The following UNC79 variants were observed in gnomAD, a reference collection of about 807,000 sequenced individuals.
UNC79 encodes protein unc-79 homolog.
In UNC79, 37 loss-of-function variants were observed where a neutral mutation model predicts 283.1. That is an observed-to-expected ratio of 0.13 (90% CI 0.10 to 0.17). The LOEUF (loss-of-function observed/expected upper bound fraction) is 0.17. Ranked by LOEUF, UNC79 falls within the 10% of genes least tolerant of loss-of-function variation. The probability of loss-of-function intolerance (pLI) is 1.00; values close to 1 mark genes in which losing one functional copy is unlikely to be tolerated. For synonymous variants in UNC79, 1,107 were observed against 1,200.2 expected, an observed-to-expected ratio of 0.92 and a Z score of 1.61; for missense variants, 2,272 against 3,211.1, an observed-to-expected ratio of 0.71 and a Z score of 7.07.
At chr14:93,559,762 C>G (rs369774310) in intron 14 of UNC79, among the ~76,000 whole-genome samples, 1 of 152,160 alleles carries the variant, frequency 6.6e-6, no homozygotes, top group African/African-American at 2.4e-5. Flanking sequence ...TGATTCTTCA[C>G]TTTCTTCGGG....
chr14:93,673,219 A>G, intron 40 of UNC79, 132 bp from the exon 44 acceptor site: 1 of 705,250 alleles, frequency 1.4e-6, no homozygotes. Context: ...TTTCTTGAGG[A>G]CACTTCACTA....
At chr14:93,481,401 C>T (rs2058133739) in intron 4 of UNC79, among the ~76,000 whole-genome samples, 1 of 152,060 alleles carries the variant, frequency 6.6e-6, no homozygotes, top group African/African-American at 2.4e-5. Context: ...GAGATGATGG[C>T]TTTGGCAGAG....
At chr14:93,487,606 A>G in intron 4 of UNC79, 57 bp from the exon 5 acceptor site, 1 of 1,437,704 alleles carries the variant, frequency 7.0e-7, no homozygotes, top group Non-Finnish European at 9.7e-7. Flanking sequence ...CTCTGTGCAA[A>G]GTAACAGGTA....
At chr14:93,561,945 G>A (rs1487125904) in intron 14 of UNC79, among the ~76,000 whole-genome samples, 1 of 152,190 alleles carries the variant, frequency 6.6e-6, no homozygotes, top group Admixed American at 6.5e-5. Flanking sequence ...AGTAGTGGGG[G>A]TGACTGCATA....
intron 25 of UNC79, among the ~76,000 whole-genome samples, chr14:93,601,119 A>G (rs1443935836): frequency 6.6e-6 from 1 of 152,182 alleles, no homozygotes; most frequent in East Asian, 1.9e-4. Context: ...CTAAATTTCA[A>G]TAGTTTTGGG....
chr14:93,614,301 T>A (rs1310129081), intron 27 of UNC79, among the ~76,000 whole-genome samples: 1 of 13,540 alleles, frequency 7.4e-5, no homozygotes, highest in East Asian at 5.4e-4. Context: ...GGTTTTATTT[T>A]TATTTATTTA....
chr14:93,530,377 C>T (rs1277971487), intron 10 of UNC79, among the ~76,000 whole-genome samples: 1 of 152,030 alleles, frequency 6.6e-6, no homozygotes, highest in East Asian at 1.9e-4. Flanking sequence ...TTGAGACCAA[C>T]CTGGGCAACG....
chr14:93,356,442 C>T (rs777335932), intron 1 of UNC79, among the ~76,000 whole-genome samples: 1 of 152,204 alleles, frequency 6.6e-6, no homozygotes, highest in African/African-American at 2.4e-5. Context: ...ACTCTGGGCT[C>T]CAATCTCTGT....
At chr14:93,475,080 T>G (rs564440267) in intron 3 of UNC79, among the ~76,000 whole-genome samples, 1 of 152,318 alleles carries the variant, frequency 6.6e-6, no homozygotes, top group Admixed American at 6.5e-5. Flanking sequence ...TTTTCTTAAC[T>G]CTTCCCCCTT....
intron 31 of UNC79, among the ~76,000 whole-genome samples, chr14:93,633,956 G>A (rs1012617352): frequency 4.6e-5 from 7 of 152,040 alleles, no homozygotes; most frequent in South Asian, 2.1e-4. Flanking sequence ...ATATGTTTTG[G>A]TTTTAGGACC....
intron 19 of UNC79, among the ~76,000 whole-genome samples, chr14:93,581,136 A>G (rs1168533000): frequency 6.6e-6 from 1 of 152,132 alleles, no homozygotes; most frequent in Non-Finnish European, 1.5e-5. Flanking sequence ...TACCCTGGAC[A>G]ACCAGTATTT....
chr14:93,484,099 A>AC (rs1466765533), intron 4 of UNC79, among the ~76,000 whole-genome samples: 8 of 152,314 alleles, frequency 5.3e-5, no homozygotes, highest in Admixed American at 5.2e-4. Context: ...TTGAGGAACC[A>AC]CCACACTGTC....
chr14:93,361,211 C>CAAAAAAAAAAAAAAAAAAAAAAAAAA (rs58267219), intron 1 of UNC79, among the ~76,000 whole-genome samples: 3 of 54,382 alleles, frequency 5.5e-5, no homozygotes, highest in African/African-American at 1.5e-4. Flanking sequence ...GACTCTGTCT[C>CAAAAAAAAAAAAAAAAAAAAAAAAAA]AAAAAAAAAA....
chr14:93,696,849 A>G (rs1486378111), intron 47 of UNC79, among the ~76,000 whole-genome samples: 1 of 152,216 alleles, frequency 6.6e-6, no homozygotes, highest in Non-Finnish European at 1.5e-5. Context: ...TAGCCCAAAA[A>G]TAATAAAGAG....
At chr14:93,694,900 C>T (rs1378578670) in intron 47 of UNC79, among the ~76,000 whole-genome samples, 1 of 152,190 alleles carries the variant, frequency 6.6e-6, no homozygotes, top group African/African-American at 2.4e-5. Flanking sequence ...AATTGTCTGA[C>T]ATGGTATCTG....
intron 5 of UNC79, among the ~76,000 whole-genome samples, chr14:93,488,986 G>T (rs971771590): frequency 2.0e-5 from 3 of 152,174 alleles, no homozygotes; most frequent in African/African-American, 7.2e-5. Context: ...CTGTCACTCA[G>T]GCTAAAGTGC....
intron 23 of UNC79, among the ~76,000 whole-genome samples, chr14:93,594,599 A>G (rs1227674608): frequency 1.3e-5 from 2 of 152,218 alleles, no homozygotes; most frequent in Non-Finnish European, 2.9e-5. Flanking sequence ...AAGAGGTTCA[A>G]GAATCTCTGC....
intron 19 of UNC79, among the ~76,000 whole-genome samples, chr14:93,581,990 G>A (rs1376160690): frequency 3.3e-5 from 5 of 152,216 alleles, no homozygotes; most frequent in Non-Finnish European, 1.5e-5. Flanking sequence ...TGAAGTGAAA[G>A]AAAATGTTTC....
intron 1 of UNC79, among the ~76,000 whole-genome samples, chr14:93,355,441 C>T (rs995879276): frequency 2.6e-5 from 4 of 152,200 alleles, no homozygotes; most frequent in Non-Finnish European, 5.9e-5. Context: ...TCGTGATCGG[C>T]CTGCCTTGGC....
Sources: gnomAD v4.1 joint callset for allele counts (sites outside exome capture counted in the v4.1 genomes callset) on GRCh38, gnomAD v4.1.1 for gene constraint, MANE v1.5 for transcripts, NCBI Gene and HGNC (gene_info 2026-07-23, HGNC 2026-07-21) for gene names.